Variants in SEMA6A observed in about 807,000 individuals in gnomAD.
The protein encoded by SEMA6A is semaphorin-6A.
A neutral mutation model predicts 96.8 loss-of-function variants in SEMA6A; 25 were observed. That is an observed-to-expected ratio of 0.26 (90% CI 0.19 to 0.36). The LOEUF is 0.36. Among genes scored for constraint, SEMA6A ranks in the 10% least tolerant of loss-of-function variants. SEMA6A has a pLI of 1.00. For missense variants in SEMA6A, 1,363 were observed against 1,323.1 expected, an observed-to-expected ratio of 1.03 and a Z score of -0.47; for synonymous variants, 612 against 518.0, an observed-to-expected ratio of 1.18 and a Z score of -2.46.
intron 6 of SEMA6A, among the ~76,000 whole-genome samples, chr5:116,492,979 C>G (rs1757403308): frequency 6.6e-6 from 1 of 152,174 alleles, no homozygotes; most frequent in Non-Finnish European, 1.5e-5. Context: ...ATACACTTTT[C>G]TGAGCAATGC....
intron 17 of SEMA6A, 126 bp downstream of exon 17, chr5:116,472,947 T>A: frequency 6.6e-7 from 1 of 1,525,534 alleles, no homozygotes; most frequent in Non-Finnish European, 8.8e-7. Context: ...TATAAAAAAA[T>A]GATGAGGATA....
At chr5:116,518,897 C>G (rs1430952364) in intron 1 of SEMA6A, among the ~76,000 whole-genome samples, 1 of 152,106 alleles carries the variant, frequency 6.6e-6, no homozygotes, top group Non-Finnish European at 1.5e-5. Flanking sequence ...AGGAGATTCC[C>G]CACGTTCACT....
chr5:116,478,739 T>A, intron 12 of SEMA6A, 21 bp from the exon 13 acceptor site: 1 of 1,606,922 alleles, frequency 6.2e-7, no homozygotes, highest in African/African-American at 1.3e-5. Context: ...AGGACCACAT[T>A]TCTTATCTCT....
At chr5:116,564,218 C>A (rs559292185) in intron 1 of SEMA6A, among the ~76,000 whole-genome samples, 1 of 152,100 alleles carries the variant, frequency 6.6e-6, no homozygotes, top group African/African-American at 2.4e-5. Flanking sequence ...AAATTTAAAA[C>A]GCTGCCTTGA....
intron 10 of SEMA6A, chr5:116,486,525 G>C (rs1262733110): frequency 5.9e-6 from 3 of 507,870 alleles, no homozygotes; most frequent in Non-Finnish European, 1.1e-5. Context: ...ATAAATAGAA[G>C]ATATTGTCAT....
intron 1 of SEMA6A, among the ~76,000 whole-genome samples, chr5:116,552,320 A>AACACATAACTTT (rs2112886977): frequency 1.3e-5 from 2 of 152,322 alleles, no homozygotes; most frequent in South Asian, 4.1e-4. Context: ...AAAGTGATAA[A>AACACATAACTTT]ACACATAACT....
chr5:116,488,932 C>T lies in SEMA6A; in HGVS notation c.611G>A (p.Ser204Asn), dbSNP rs1757196669. The change falls in exon 8 of 19, where the codon AGC becomes AAC. Residue 204 changes from serine (S) to asparagine (N), a missense_variant. By Grantham distance (46) the Ser-to-Asn change is conservative. Transcript: ENST00000343348. ...DAVIYRSLGE[S>N]PTLRTVKHDS... is the part of the protein sequence containing the mutation. Reference sequence around the variant, plus strand: ...GTGCTTGACGGTCCGCAGGGTAGGGCTTTCTCCAAGACTCCGGTAAATGAC... The same window carrying T: ...GTGCTTGACGGTCCGCAGGGTAGGGTTTTCTCCAAGACTCCGGTAAATGAC... The T allele has an allele frequency of 6.3e-7, 1 of 1,589,488 alleles. No homozygotes were observed. Among genetic ancestry groups the T allele is most frequent in the East Asian group, 2.3e-5 (1 of 43,958 alleles).
chr5:116,466,677 C>G (rs76965954), intron 18 of SEMA6A, among the ~76,000 whole-genome samples: 399 of 152,286 alleles, frequency 2.6e-3, no homozygotes, highest in Non-Finnish European at 4.5e-3. Context: ...TTCCAAGGGT[C>G]ACAGTGGCTG....
At chr5:116,499,270 T>C (rs924442858) in intron 3 of SEMA6A, 16 of 152,300 alleles carry the variant, frequency 1.1e-4, no homozygotes, top group African/African-American at 3.9e-4. Flanking sequence ...TTCCCAACCA[T>C]CTTAGTGTAC....
intron 16 of SEMA6A, among the ~76,000 whole-genome samples, chr5:116,473,919 G>A (rs895158782): frequency 1.3e-5 from 2 of 152,192 alleles, no homozygotes; most frequent in Non-Finnish European, 2.9e-5. Context: ...GGGGTTAAAG[G>A]TCAAAGGCAC....
At chr5:116,503,670 C>A (rs1758005097) in intron 2 of SEMA6A, among the ~76,000 whole-genome samples, 1 of 151,940 alleles carries the variant, frequency 6.6e-6, no homozygotes, top group East Asian at 1.9e-4. Context: ...CCACCATGCC[C>A]AGCTGATTTT....
chr5:116,459,929 A>G (rs1755271135), intron 18 of SEMA6A, among the ~76,000 whole-genome samples: 1 of 152,212 alleles, frequency 6.6e-6, no homozygotes, highest in Non-Finnish European at 1.5e-5. Flanking sequence ...TGAATGCAGG[A>G]AAAAAGAAAC....
At chr5:116,556,722 G>C (rs769819344) in intron 1 of SEMA6A, among the ~76,000 whole-genome samples, 5 of 152,072 alleles carry the variant, frequency 3.3e-5, no homozygotes, top group Admixed American at 6.5e-5. Context: ...GCTTCATTTT[G>C]TGTGTGTGTA....
At chr5:116,488,696 C>T (rs1465426861) in intron 8 of SEMA6A, among the ~76,000 whole-genome samples, 192 bp downstream of exon 8, 2 of 152,064 alleles carry the variant, frequency 1.3e-5, no homozygotes, top group Non-Finnish European at 2.9e-5. Flanking sequence ...TGTTAATACT[C>T]CAGAAACTCA....
intron 11 of SEMA6A, 70 bp downstream of exon 11, chr5:116,482,374 G>A (rs1158100981): frequency 2.0e-6 from 3 of 1,518,228 alleles, no homozygotes; most frequent in Non-Finnish European, 2.7e-6. Context: ...TTCATAGGAT[G>A]TTCATTATCA....
At chr5:116,447,952 G>A (rs1463203067) in intron 18 of SEMA6A, 141 bp from the exon 19 acceptor site, 2 of 712,688 alleles carry the variant, frequency 2.8e-6, no homozygotes. Context: ...AGCTCAGCTT[G>A]CCAAACATTA....
In SEMA6A at chr5:116,454,789, AGT is replaced by A. The variant is rs10699953; in HGVS notation, c.1895-6980_1895-6979del. On this transcript the variant is annotated intron_variant, in intron 18 of 18. Coordinates refer to ENST00000343348, the MANE Select transcript of SEMA6A (RefSeq NM_020796.5). ...TAACTTAAAGTTTCCTTTTCCTTTA[AGT>A]GTGTGTGTGTGTGTGTGTGCATGTG... 1.8e-3 allele frequency among the ~76,000 whole-genome samples: 271 copies of A among 150,464 alleles called. 1 individual carries two copies. The South Asian group carries it at 0.02, about 11-fold the overall frequency.
rs140581675 is a variant in SEMA6A, at chr5:116,464,174, C to T, written c.1894+3409G>A. On this transcript the variant is annotated intron_variant, in intron 18 of 18. Coordinates refer to ENST00000343348, the MANE Select transcript of SEMA6A (RefSeq NM_020796.5). ...CCCCTTTGTAACTACCCATTACGAC[C>T]TCAATAGTTATAGGAGGAATAAATA... 4.7e-4 allele frequency among the ~76,000 whole-genome samples: 72 copies of T among 152,250 alleles called. 1 individual carries two copies. In the East Asian group the frequency reaches 0.013, roughly 29 times the overall value.
intron 1 of SEMA6A, among the ~76,000 whole-genome samples, chr5:116,555,650 G>A (rs771270071): frequency 3.3e-5 from 5 of 151,510 alleles, no homozygotes; most frequent in Non-Finnish European, 5.9e-5. Flanking sequence ...AGTAGCCTGA[G>A]CAACATGGCA....
Sources: gnomAD v4.1 joint callset for allele counts (sites outside exome capture counted in the v4.1 genomes callset) on GRCh38, gnomAD v4.1.1 for gene constraint, MANE v1.5 for transcripts, NCBI Gene and HGNC (gene_info 2026-07-23, HGNC 2026-07-21) for gene names.